Variants in CASK observed in about 807,000 individuals in gnomAD.
The protein encoded by CASK is peripheral plasma membrane protein CASK.
In CASK, 4 loss-of-function variants were observed where a neutral mutation model predicts 82.9. That is an observed-to-expected ratio of 0.05 (90% CI 0.02 to 0.11). CASK has a LOEUF of 0.11. CASK is among the 10% of genes least tolerant of loss of function. The pLI is 1.00. For missense variants in CASK, 358 were observed against 720.9 expected (o/e 0.50, Z 5.76); for synonymous variants, 259 against 253.5 (o/e 1.02, Z -0.20).
At chrX:41,797,498 AT>A (rs2069885781) in intron 2 of CASK, among the ~76,000 whole-genome samples, 1 of 111,161 alleles carries the variant, frequency 9.0e-6, no homozygotes, top group African/African-American at 3.3e-5. Context: ...ATTCCTGCCA[AT>A]CCTGCTAGAA....
chrX:41,554,039 C>T (rs1280795322), intron 20 of CASK, 124 bp from the exon 21 acceptor site: 6 of 531,114 alleles, frequency 1.1e-5, no homozygotes, highest in Non-Finnish European at 1.6e-5. Context: ...AAAGCAAAAA[C>T]GATGCATGGA....
At chrX:41,588,766 C>T (rs750456821) in intron 13 of CASK, among the ~76,000 whole-genome samples, 1 of 108,456 alleles carries the variant, frequency 9.2e-6, no homozygotes, top group African/African-American at 3.3e-5. Context: ...ACCCATGTGT[C>T]TAACAATGGG....
rs1360352672 is a variant in CASK at position 41,523,841 on chromosome X, T to A, written c.2604+110A>T. Reference sequence around the variant, plus strand: ...ATGTAGCATTCTATTCCACATCCCATTTCATCAGAGCAGCCTTGCTGCAAA... The same window carrying A: ...ATGTAGCATTCTATTCCACATCCCAATTCATCAGAGCAGCCTTGCTGCAAA... On this transcript the variant is annotated intron_variant, in intron 26 of 26. Transcript: ENST00000378163. 5 of 605,964 alleles carry A rather than the reference T, an allele frequency of 8.3e-6. No individual in the cohort carries two copies. In the African/African-American group the frequency reaches 1.1e-4, roughly 13 times the overall value. The allele number at this position is 605,964 out of a possible 1,213,427, so 49.9% of individuals were successfully genotyped here. A position where few individuals can be genotyped will look rare whatever the true frequency, so the allele number is the denominator to read the frequency against.
At chrX:41,808,265 G>A (rs946248352) in intron 2 of CASK, among the ~76,000 whole-genome samples, 1 of 111,840 alleles carries the variant, frequency 8.9e-6, no homozygotes, top group Admixed American at 9.5e-5. Flanking sequence ...GATAAGCAAG[G>A]CCTTGGCAGT....
At chrX:41,599,209 G>T (rs1412440142) in intron 12 of CASK, among the ~76,000 whole-genome samples, 1 of 111,778 alleles carries the variant, frequency 8.9e-6, no homozygotes, top group Non-Finnish European at 1.9e-5. Context: ...CAAGAAGAAT[G>T]TTCCTGGATG....
rs752362524 is a variant in CASK, at chrX:41,723,361, A to G, written c.429+16023T>C. 5.3e-5 allele frequency among the ~76,000 whole-genome samples: 6 copies of G among 112,297 alleles called. No individual in the cohort carries two copies. In the Admixed American group the frequency reaches 5.7e-4, roughly 11 times the overall value. ...AGATGTACACACTTAGCTTTCATTT[A>G]GTTAGTAGGTCACAGACTGATTCGA... On this transcript the variant is annotated intron_variant, in intron 5 of 26. Coordinates refer to ENST00000378163, the MANE Select transcript of CASK (RefSeq NM_001367721.1).
intron 11 of CASK, among the ~76,000 whole-genome samples, chrX:41,617,767 C>T (rs962098732): frequency 7.2e-5 from 8 of 111,876 alleles, no homozygotes; most frequent in Admixed American, 4.7e-4. Flanking sequence ...TTTTAAACCC[C>T]GAGGCAGTAG....
chrX:41,834,663 T>C (rs942882013), intron 2 of CASK, among the ~76,000 whole-genome samples: 1 of 111,727 alleles, frequency 9.0e-6, no homozygotes, highest in Admixed American at 9.5e-5. Context: ...GAGTGTTCTA[T>C]TAAAATAGAC....
chrX:41,730,139 T>C (rs923537648), intron 5 of CASK: 1 of 122,411 alleles, frequency 8.2e-6, no homozygotes. Flanking sequence ...AACTTGCCAC[T>C]TTGTTAGAGA....
intron 12 of CASK, among the ~76,000 whole-genome samples, chrX:41,605,243 C>T (rs2065941885): frequency 9.0e-6 from 1 of 111,203 alleles, no homozygotes; most frequent in African/African-American, 3.3e-5. Flanking sequence ...GATTAATTAG[C>T]CTTAATTAAT....
intron 5 of CASK, among the ~76,000 whole-genome samples, chrX:41,731,590 T>TA (rs1325160888): frequency 1.5e-4 from 17 of 112,246 alleles, no homozygotes; most frequent in Non-Finnish European, 3.2e-4. Flanking sequence ...CTCATTCTGA[T>TA]AAACTCACAT....
chrX:41,758,643 T>A (rs938237572), intron 3 of CASK, among the ~76,000 whole-genome samples: 1 of 109,863 alleles, frequency 9.1e-6, no homozygotes, highest in Admixed American at 9.7e-5. Context: ...AGTAGGTGGG[T>A]TTGGGGTTGG....
intron 22 of CASK, among the ~76,000 whole-genome samples, chrX:41,537,420 C>T: frequency 9.0e-6 from 1 of 110,972 alleles, no homozygotes; most frequent in South Asian, 3.8e-4. Flanking sequence ...AAAAGAAAAC[C>T]ACCAAAAACA....
chrX:41,838,588 T>A (rs1389917975), intron 2 of CASK, among the ~76,000 whole-genome samples: 1 of 110,912 alleles, frequency 9.0e-6, no homozygotes, highest in African/African-American at 3.3e-5. Context: ...AAACCCCGTC[T>A]CTACTAAAAA....
chrX:41,751,617 T>C (rs1020897561), intron 3 of CASK, among the ~76,000 whole-genome samples: 8 of 110,536 alleles, frequency 7.2e-5, no homozygotes, highest in African/African-American at 2.3e-4. Flanking sequence ...CAGTTGCTTT[T>C]GCACCAGGGT....
At chrX:41,685,741 C>T (rs1204601625) in intron 5 of CASK, among the ~76,000 whole-genome samples, 1 of 111,795 alleles carries the variant, frequency 8.9e-6, no homozygotes, top group Non-Finnish European at 1.9e-5. Flanking sequence ...CCTCAGCTGG[C>T]CAAAGTGCTG....
At chrX:41,882,131 A>T (rs2071964140) in intron 1 of CASK, among the ~76,000 whole-genome samples, 1 of 111,759 alleles carries the variant, frequency 8.9e-6, no homozygotes, top group Non-Finnish European at 1.9e-5. Context: ...TGGTGTAGTA[A>T]AAGGCTGATA....
intron 5 of CASK, among the ~76,000 whole-genome samples, chrX:41,693,925 C>A (rs919509107): frequency 1.8e-5 from 2 of 111,907 alleles, no homozygotes; most frequent in Non-Finnish European, 3.8e-5. Context: ...TGTTTTTAAT[C>A]AAATTATGTG....
chrX:41,560,774 C>T (rs545739740), intron 17 of CASK, among the ~76,000 whole-genome samples: 5 of 107,361 alleles, frequency 4.7e-5, no homozygotes, highest in African/African-American at 1.7e-4. Context: ...GCCTGTAATC[C>T]CAGCTACTTG....
Sources: allele counts gnomAD v4.1 joint callset (sites outside exome capture counted in the v4.1 genomes callset), GRCh38; gene constraint gnomAD v4.1.1; transcripts MANE v1.5; gene names NCBI Gene and HGNC (gene_info 2026-07-23, HGNC 2026-07-21).